VWDE: variants seen among roughly 807,000 people sequenced by gnomAD.
The protein encoded by VWDE is von Willebrand factor D and EGF domains.
In VWDE, 207 loss-of-function variants were observed where a neutral mutation model predicts 178.4. The ratio of observed to expected loss-of-function variants is 1.16; its 90% CI spans 1.04 to 1.30. VWDE has a LOEUF of 1.30. Among genes scored for constraint, VWDE ranks in the 50% most tolerant of loss-of-function variants. The pLI, the probability that VWDE is intolerant of heterozygous loss-of-function variation, is 0.00. For missense variants in VWDE, 2,287 were observed against 1,901.3 expected (o/e 1.20, Z -3.77); for synonymous variants, 738 against 651.4 (o/e 1.13, Z -2.02).
chr7:12,370,534 A>C, intron 11 of VWDE, 25 bp from the exon 12 acceptor site: 1 of 1,531,382 alleles, frequency 6.5e-7, no homozygotes, highest in Non-Finnish European at 8.8e-7. Context: ...ACAGGAAAGA[A>C]TAGTAATTTT....
chr7:12,363,550 G>T (rs1025746690), intron 13 of VWDE, among the ~76,000 whole-genome samples: 1 of 151,766 alleles, frequency 6.6e-6, no homozygotes, highest in African/African-American at 2.4e-5. Flanking sequence ...TAATACAAAA[G>T]TAGAAAAAAG....
At chr7:12,371,483 C>T (rs1273807016) in intron 10 of VWDE, among the ~76,000 whole-genome samples, 3 of 152,136 alleles carry the variant, frequency 2.0e-5, no homozygotes, top group Non-Finnish European at 4.4e-5. Flanking sequence ...CTTTGATGTA[C>T]TGTGTATGTG....
chr7:12,340,701 C>T (rs2128546239), intron 23 of VWDE, among the ~76,000 whole-genome samples: 1 of 152,252 alleles, frequency 6.6e-6, no homozygotes, highest in South Asian at 2.1e-4. Context: ...TGACGGTGCT[C>T]CTGCTCTATC....
rs1347471537 is a variant in VWDE at position 12,380,522 on chromosome 7, TA to T, written c.752del (p.Leu251Ter). 3 of 1,551,772 alleles carry T rather than the reference TA, an allele frequency of 1.9e-6. No homozygotes were observed. The highest frequency in any genetic ancestry group is 1.7e-6 in the Non-Finnish European group (2 of 1,147,042). The stretch of plus-strand genomic sequence containing the variant: ...GTCTGAGATTTATGCCATCAAGTTC[TA>T]AAAGAGAGAATGCCTGAACTGTGGT... ...QETTVQAFSL[L>X]ELDGINLRLG... On this transcript the variant is annotated frameshift_variant, in exon 5 of 29. Transcript: ENST00000275358. LOFTEE classifies it high-confidence loss of function.
chr7:12,351,657 C>G lies in VWDE; in HGVS notation c.3802G>C (p.Asp1268His), dbSNP rs530052115. The change falls in exon 19 of 29, where the codon GAT (aspartate) becomes CAT (histidine). Residue 1268 changes from aspartate to histidine, a missense_variant. Coordinates refer to ENST00000275358, the MANE Select transcript of VWDE (RefSeq NM_001135924.3). ...TTQTVVLTRS[D>H]KSVNKEEDDK... The stretch of plus-strand genomic sequence containing the variant: ...TCCTCTTCTTTATTTACACTTTTAT[C>G]AGATCTTGTGAGAACCACAGTTTGT... The G allele has an allele frequency of 7.2e-5, 111 of 1,550,210 alleles. No individual in the cohort carries two copies. In the East Asian group the frequency reaches 2.4e-3, roughly 34 times the overall value.
At position 12,393,611 on chromosome 7, in the gene VWDE, G is replaced by C. The variant is rs1465318612; in HGVS notation, c.226C>G (p.Pro76Ala). The stretch of plus-strand genomic sequence containing the variant: ...TGACATACCTCAACACATTTGGTTG[G>C]CATCTCGGCAGGTCTGTCAAGGATG... ...FLILDRPAEM[P>A]TKCVEMNHCG... Residue 76 changes from proline (P) to alanine (A), a missense_variant, in exon 2 of 29, where the codon CCA becomes GCA. Coordinates refer to ENST00000275358, the MANE Select transcript of VWDE (RefSeq NM_001135924.3). 1.0e-5 allele frequency: 16 copies of C among 1,548,370 alleles called. No individual in the cohort carries two copies. The East Asian group carries it at 3.7e-4, about 36-fold the overall frequency.
At chr7:12,377,403 A>G (rs1783588220) in intron 7 of VWDE, among the ~76,000 whole-genome samples, 1 of 152,186 alleles carries the variant, frequency 6.6e-6, no homozygotes, top group African/African-American at 2.4e-5. Flanking sequence ...ATTGGGGATG[A>G]TTTGAAAAAT....
At position 12,383,613 on chromosome 7, in the gene VWDE, T is replaced by A; in HGVS notation, c.476-12A>T. 1 of 1,549,374 alleles carries A rather than the reference T, an allele frequency of 6.5e-7. No individual in the cohort carries two copies. The highest frequency in any genetic ancestry group is 8.7e-7 in the Non-Finnish European group (1 of 1,145,080). ...TGCATCAGAAATAGCTGCCAAGGGT[T>A]AAGGTTTGTATAATTATTCAGCTGG... On this transcript the variant is annotated splice_polypyrimidine_tract_variant and intron_variant, in intron 3 of 28. Coordinates refer to ENST00000275358, the MANE Select transcript of VWDE (RefSeq NM_001135924.3).
At chr7:12,397,477 A>C (rs1784684541) in intron 1 of VWDE, among the ~76,000 whole-genome samples, 1 of 152,188 alleles carries the variant, frequency 6.6e-6, no homozygotes, top group African/African-American at 2.4e-5. Context: ...CTAGGAAAAA[A>C]CCCTAGGAAG....
chr7:12,399,358 G>A (rs1240578396), intron 1 of VWDE, among the ~76,000 whole-genome samples: 3 of 152,212 alleles, frequency 2.0e-5, no homozygotes, highest in South Asian at 4.1e-4. Context: ...ATGATAAAAG[G>A]GTCAATCCGT....
At chr7:12,360,037 CT>C (rs1384299412) in intron 15 of VWDE, among the ~76,000 whole-genome samples, 3 of 152,058 alleles carry the variant, frequency 2.0e-5, no homozygotes, top group Non-Finnish European at 2.9e-5. Flanking sequence ...AAACCAACTT[CT>C]TTTTTTTCCT....
At chr7:12,391,714 T>C (rs1209070017) in intron 2 of VWDE, among the ~76,000 whole-genome samples, 1 of 152,178 alleles carries the variant, frequency 6.6e-6, no homozygotes, top group Non-Finnish European at 1.5e-5. Context: ...AATTAAACAC[T>C]GTTAAAATTT....
chr7:12,375,966 C>T (rs1275486833), intron 7 of VWDE, among the ~76,000 whole-genome samples: 3 of 151,974 alleles, frequency 2.0e-5, no homozygotes, highest in African/African-American at 4.8e-5. Flanking sequence ...CTATCATATC[C>T]AATTAATGAT....
At chr7:12,358,530 C>CAT (rs1782398545) in intron 16 of VWDE, among the ~76,000 whole-genome samples, 1 of 152,132 alleles carries the variant, frequency 6.6e-6, no homozygotes, top group South Asian at 2.1e-4. Context: ...AGCCCCATTA[C>CAT]ATTGTACTGA....
chr7:12,387,676 A>G (rs1258299664), intron 3 of VWDE, among the ~76,000 whole-genome samples: 4 of 152,226 alleles, frequency 2.6e-5, no homozygotes, highest in Non-Finnish European at 1.5e-5. Context: ...CTTGTTTGCT[A>G]TAATTGTGTG....
chr7:12,333,636 G>A (rs987840079), intron 27 of VWDE, 68 bp from the exon 28 acceptor site: 1 of 1,066,184 alleles, frequency 9.4e-7, no homozygotes, highest in Non-Finnish European at 1.4e-6. Context: ...TTCTATCCTA[G>A]TGGTCTGGGG....
At chr7:12,348,728 A>T (rs1006164892) in intron 19 of VWDE, among the ~76,000 whole-genome samples, 1 of 150,706 alleles carries the variant, frequency 6.6e-6, no homozygotes, top group Non-Finnish European at 1.5e-5. Flanking sequence ...ATTACTGGGT[A>T]TATACCCAAA....
Position 12,370,110 on chromosome 7 carries a change from T to G in VWDE, c.2196A>C (p.Thr732=). 1 of 1,551,590 alleles carries G rather than the reference T, an allele frequency of 6.4e-7. No individual in the cohort carries two copies. The highest frequency in any genetic ancestry group is 1.4e-5 in the African/African-American group (1 of 73,146). ...CTTGGCTGTGGCTTCCCCGGCCTTG[T>G]GTATATTTCTTATTGGCCAAATATT... ...SLQYLANKKY[T]QGRGSHSQEM... Residue 732 remains threonine (T), a synonymous_variant, in exon 12 of 29, where the codon ACA becomes ACC. Transcript: ENST00000275358.
At chr7:12,399,023 C>T (rs948859254) in intron 1 of VWDE, among the ~76,000 whole-genome samples, 1 of 152,008 alleles carries the variant, frequency 6.6e-6, no homozygotes, top group African/African-American at 2.4e-5. Context: ...CAAACCTGCA[C>T]ATGTACTCCT....
Sources: gnomAD v4.1 joint callset for allele counts (sites outside exome capture counted in the v4.1 genomes callset) on GRCh38, gnomAD v4.1.1 for gene constraint, MANE v1.5 for transcripts, NCBI Gene and HGNC (gene_info 2026-07-23, HGNC 2026-07-21) for gene names.